Variants in MMP13 observed in about 807,000 individuals in gnomAD.
MMP13 encodes the protein collagenase 3.
A neutral mutation model predicts 52.1 loss-of-function variants in MMP13; 45 were observed. The ratio of observed to expected loss-of-function variants is 0.86; its 90% CI spans 0.68 to 1.11. The LOEUF (loss-of-function observed/expected upper bound fraction) is 1.11. MMP13 is among the 50% of genes least tolerant of loss of function. The pLI is 0.00. For missense variants in MMP13, 576 were observed against 583.8 expected, an observed-to-expected ratio of 0.99 and a Z score of 0.14; for synonymous variants, 200 against 204.4, an observed-to-expected ratio of 0.98 and a Z score of 0.18.
rs71066125 is a variant in MMP13 at position 102,947,667 on chromosome 11, TTGTGTGTGTG to T, written c.1211+214_1211+223del. The stretch of plus-strand genomic sequence containing the variant: ...GTTTGAGAAGAGGAATGTTTGAGTA[TTGTGTGTGTG>T]TGTGTGTGTGTGTGTGTGTGTGTGT... On this transcript the variant is annotated intron_variant, in intron 8 of 9. Transcript: ENST00000260302. 1.8e-3 allele frequency among the ~76,000 whole-genome samples: 255 copies of T among 144,912 alleles called. 4 individuals are homozygous for T. In the South Asian group the frequency reaches 0.023, roughly 13 times the overall value.
rs1052979435 is a variant in MMP13 at position 102,944,127 on chromosome 11, C to T, written c.*139G>A. The T allele has an allele frequency of 1.4e-6, 1 of 709,950 alleles. No individual in the cohort carries two copies. The highest frequency in any genetic ancestry group is 2.6e-6 in the Non-Finnish European group (1 of 382,982). 44.0% of individuals were successfully genotyped at this position (709,950 alleles called of 1,614,324 possible). On this transcript the variant is annotated 3_prime_UTR_variant, in exon 10 of 10. Coordinates refer to ENST00000260302, the MANE Select transcript of MMP13 (RefSeq NM_002427.4). ...GCCACGCATAGTCATATAGATACTA[C>T]ATATTCAAAGATAACTTACTGAAGC...
rs981830141 is a variant in MMP13, at chr11:102,952,773, C to T, written c.638-600G>A. On this transcript the variant is annotated intron_variant, in intron 4 of 9. Coordinates refer to ENST00000260302, the MANE Select transcript of MMP13 (RefSeq NM_002427.4). The surrounding 1 kb of genome is among the most constrained non-coding windows in gnomAD (Gnocchi z 4.3). ...GACATGATTAGCCATCTTTTCTCTA[C>T]TCTAGAAGACTACTATGTCACTGTA... 8.5e-5 allele frequency among the ~76,000 whole-genome samples: 13 copies of T among 152,160 alleles called. No individual in the cohort carries two copies. Among genetic ancestry groups the T allele is most frequent in the Admixed American group, 6.6e-5 (1 of 15,264 alleles).
Position 102,950,246 on chromosome 11 carries a change from A to G in MMP13, c.800-19T>C, listed in dbSNP as rs1565254597. 6.4e-7 allele frequency: 1 copy of G among 1,570,252 alleles called. No individual in the cohort carries two copies. Among genetic ancestry groups the G allele is most frequent in the Admixed American group, 1.7e-5 (1 of 59,934 alleles). On this transcript the variant is annotated intron_variant, in intron 5 of 9. Coordinates refer to ENST00000260302, the MANE Select transcript of MMP13 (RefSeq NM_002427.4). The stretch of plus-strand genomic sequence containing the variant: ...CCTGGACCTGTAGTCGTGAAAGGCA[A>G]GAGAGAAGTTATGAGTGTGACATTA...
rs782099092 is a variant in MMP13 at position 102,945,749 on chromosome 11, T to G, written c.1212A>C (p.Arg404Ser). 1.4e-5 allele frequency: 21 copies of G among 1,523,750 alleles called. No homozygotes were observed. In the East Asian group the frequency reaches 4.1e-4, roughly 29 times the overall value. The allele number at this position is 1,523,750 out of a possible 1,614,324, so 94.4% of individuals were successfully genotyped here. The change falls in exon 9 of 10, where the codon AGA (arginine) becomes AGC (serine). Residue 404 changes from arginine (R) to serine (S), a missense_variant and splice_region_variant. Physicochemically the swap from Arg to Ser is moderately radical, Grantham distance 110. Coordinates refer to ENST00000260302, the MANE Select transcript of MMP13 (RefSeq NM_002427.4). ...CCATAATATGGTTAGTATCATCATA[T>G]CTATTTAAAGAAAAAAAACTCCTAA... ...TLLFSGNQVW[R>S]YDDTNHIMDK... is the part of the protein sequence containing the mutation.
In MMP13 at chr11:102,948,145, T is replaced by A. The variant is rs113935354; in HGVS notation, c.1052-95A>T. ...CTTAAAGACAGGCCCACTTTTACAT[T>A]GAGAAATATTAATAAAATATTTAGT... On this transcript the variant is annotated intron_variant, in intron 7 of 9. Transcript: ENST00000260302. 119 of 893,840 alleles carry A rather than the reference T, an allele frequency of 1.3e-4. No homozygotes were observed. The African/African-American group carries it at 1.6e-3, about 12-fold the overall frequency. The allele number at this position is 893,840 out of a possible 1,614,324, so 55.4% of individuals were successfully genotyped here.
At chr11:102,954,404 T>G (rs1401295986) in intron 3 of MMP13, 54 bp downstream of exon 3, 27 of 1,595,866 alleles carry the variant, frequency 1.7e-5, no homozygotes, top group Non-Finnish European at 2.2e-5. Flanking sequence ...AATTTTAAAA[T>G]GGAACCAAGA....
Position 102,955,133 on chromosome 11 carries a change from A to C in MMP13, c.362+119T>G. On this transcript the variant is annotated intron_variant, in intron 2 of 9. Coordinates refer to ENST00000260302, the MANE Select transcript of MMP13 (RefSeq NM_002427.4). The surrounding 1 kb of genome is among the most constrained non-coding windows in gnomAD (Gnocchi z 4.9). ...ATGTTATGAGGTATTCTCGGCAACC[A>C]TATTAAAGCTATTCTGGAATTTAAC... is the stretch of plus-strand genomic sequence containing the variant. 8.5e-7 allele frequency: 1 copy of C among 1,172,334 alleles called. No individual in the cohort carries two copies. The highest frequency in any genetic ancestry group is 2.5e-5 in the East Asian group (1 of 40,064). 72.6% of individuals were successfully genotyped at this position (1,172,334 alleles called of 1,614,324 possible).
chr11:102,951,656 G>A (rs535844128), intron 5 of MMP13, among the ~76,000 whole-genome samples: 1 of 152,218 alleles, frequency 6.6e-6, no homozygotes, highest in East Asian at 1.9e-4. Flanking sequence ...GTGTTGTTAG[G>A]AGATTTTGTC....
chr11:102,952,748 G>T lies in MMP13; in HGVS notation c.638-575C>A, dbSNP rs992109343. 4.6e-5 allele frequency among the ~76,000 whole-genome samples: 7 copies of T among 152,148 alleles called. No individual in the cohort carries two copies. The highest frequency in any genetic ancestry group is 1.4e-4 in the African/African-American group (6 of 41,436). On this transcript the variant is annotated intron_variant, in intron 4 of 9. Transcript: ENST00000260302. This position sits in a 1 kb window ranked among gnomAD's most constrained non-coding sequence, Gnocchi z 4.3. Reference sequence around the variant, plus strand: ...GGGTTCTGGAGAAACAGAAACTCTAGACATGATTAGCCATCTTTTCTCTAC... The same window carrying T: ...GGGTTCTGGAGAAACAGAAACTCTATACATGATTAGCCATCTTTTCTCTAC...
intron 8 of MMP13, among the ~76,000 whole-genome samples, 162 bp from the exon 9 acceptor site, chr11:102,945,911 C>T (rs1217405056): frequency 6.6e-6 from 1 of 152,174 alleles, no homozygotes; most frequent in Non-Finnish European, 1.5e-5. Context: ...AATGAGAATA[C>T]TGAGTGTACA....
In MMP13 at chr11:102,954,451, T is replaced by A. The variant is rs765895941; in HGVS notation, c.511+7A>T. 1 of 1,612,766 alleles carries A rather than the reference T, an allele frequency of 6.2e-7. No individual in the cohort carries two copies. Among genetic ancestry groups the A allele is most frequent in the Non-Finnish European group, 8.5e-7 (1 of 1,179,120 alleles). ...AAAATGTTTGTAAAATAAATGTGCA[T>A]CATTACCCTTAATTCCAAAAGAGAT... is the stretch of plus-strand genomic sequence containing the variant. On this transcript the variant is annotated splice_region_variant and intron_variant, in intron 3 of 9. Coordinates refer to ENST00000260302, the MANE Select transcript of MMP13 (RefSeq NM_002427.4).
intron 5 of MMP13, among the ~76,000 whole-genome samples, chr11:102,951,561 A>C (rs1373503503): frequency 6.6e-6 from 1 of 152,228 alleles, no homozygotes; most frequent in Non-Finnish European, 1.5e-5. Flanking sequence ...TTTTAACAAC[A>C]AAACCAAGAA....
At position 102,952,179 on chromosome 11, in the gene MMP13, A is replaced by G; in HGVS notation, c.638-6T>C. 6.2e-7 allele frequency: 1 copy of G among 1,612,738 alleles called. No homozygotes were observed. Among genetic ancestry groups the G allele is most frequent in the Non-Finnish European group, 8.5e-7 (1 of 1,178,992 alleles). On this transcript the variant is annotated splice_region_variant and splice_polypyrimidine_tract_variant and intron_variant, in intron 4 of 9. Transcript: ENST00000260302. The surrounding 1 kb of genome is among the most constrained non-coding windows in gnomAD (Gnocchi z 4.3). ...AACAAGAAACAAGTTGTAGCCTGTA[A>G]GAAAACAAAGAAACAATGAGAAAAA... is the stretch of plus-strand genomic sequence containing the variant.
In MMP13 at chr11:102,952,099, C is replaced by T. The variant is rs1860622708; in HGVS notation, c.712G>A (p.Ala238Thr). The T allele has an allele frequency of 6.2e-7, 1 of 1,613,192 alleles. No homozygotes were observed. Among genetic ancestry groups the T allele is most frequent in the Non-Finnish European group, 8.5e-7 (1 of 1,179,472 alleles). Residue 238 changes from alanine to threonine, a missense_variant, in exon 5 of 10, where the codon GCA (alanine) becomes ACA (threonine). Physicochemically the swap from Ala to Thr is moderately conservative, Grantham distance 58. Transcript: ENST00000260302. The surrounding 1 kb of genome is among the most constrained non-coding windows in gnomAD (Gnocchi z 4.3). The stretch of plus-strand genomic sequence containing the variant: ...TAGGTGTAGATAGGAAACATGAGTG[C>T]TCCAGGGTCCTTGGAGTGGTCAAGA... ...LGLDHSKDPG[A>T]LMFPIYTYTG... is the part of the protein sequence containing the mutation.
intron 8 of MMP13, among the ~76,000 whole-genome samples, chr11:102,947,212 C>G (rs781927180): frequency 7.9e-5 from 12 of 152,056 alleles, no homozygotes; most frequent in Non-Finnish European, 1.3e-4. Context: ...TCCTCTTTGG[C>G]CACGGAAGAT....
intron 8 of MMP13, among the ~76,000 whole-genome samples, chr11:102,946,028 T>G (rs566173210): frequency 6.6e-6 from 1 of 152,348 alleles, no homozygotes; most frequent in Admixed American, 6.5e-5. Context: ...TAAAAGTATG[T>G]CATTAGGAAC....
Position 102,947,889 on chromosome 11 carries a change from A to G in MMP13, c.1211+2T>C, listed in dbSNP as rs781917444. ...ATGGGTCAGTACCTACTGCTGCCAT[A>G]CCTCCAGACCTGGTTTCCTGAGAAC... On this transcript the variant is annotated splice_donor_variant, in intron 8 of 9. Coordinates refer to ENST00000260302, the MANE Select transcript of MMP13 (RefSeq NM_002427.4). LOFTEE classifies it high-confidence loss of function. The G allele has an allele frequency of 2.2e-5, 36 of 1,613,696 alleles. No individual in the cohort carries two copies. The highest frequency in any genetic ancestry group is 2.6e-5 in the Non-Finnish European group (31 of 1,179,840).
In MMP13 at chr11:102,945,689, G is replaced by A. The variant is rs782542049; in HGVS notation, c.1272C>T (p.Phe424=). 140 of 1,603,618 alleles carry A rather than the reference G, an allele frequency of 8.7e-5. No individual in the cohort carries two copies. Among genetic ancestry groups the A allele is most frequent in the Non-Finnish European group, 1.1e-4 (133 of 1,171,624 alleles). The part of the protein sequence containing the change: ...KDYPRLIEED[F]PGIGDKVDAV... ...CATCTACTTTATCACCAATTCCTGG[G>A]AAGTCTTCTTCTATTAGTCTCGGAT... Residue 424 remains phenylalanine, a synonymous_variant, in exon 9 of 10, where the codon TTC becomes TTT. Coordinates refer to ENST00000260302, the MANE Select transcript of MMP13 (RefSeq NM_002427.4).
In MMP13 at chr11:102,947,992, T is replaced by C; in HGVS notation, c.1110A>G (p.Ile370Met). 6.2e-7 allele frequency: 1 copy of C among 1,613,922 alleles called. No individual in the cohort carries two copies. The highest frequency in any genetic ancestry group is 8.5e-7 in the Non-Finnish European group (1 of 1,179,880). Residue 370 changes from isoleucine (I) to methionine (M), a missense_variant, in exon 8 of 10, where the codon ATA (isoleucine) becomes ATG (methionine). By Grantham distance (10) the Ile-to-Met change is conservative (BLOSUM62 1). Coordinates refer to ENST00000260302, the MANE Select transcript of MMP13 (RefSeq NM_002427.4). ...CTTCTTTTGGAAGACCCAGTTCAGATATTTTTTTGGGATAACCTTCCAGAA... is the reference window on the plus strand; with the variant it reads ...CTTCTTTTGGAAGACCCAGTTCAGACATTTTTTTGGGATAACCTTCCAGAA... The part of the protein sequence containing the change: ...YDILEGYPKK[I>M]SELGLPKEVK...
Sources: gnomAD v4.1 joint callset for allele counts (sites outside exome capture counted in the v4.1 genomes callset) on GRCh38, gnomAD v4.1.1 for gene constraint, Gnocchi (gnomAD v3.1) non-coding constraint, MANE v1.5 for transcripts, NCBI Gene and HGNC (gene_info 2026-07-23, HGNC 2026-07-21) for gene names.